ZNF496: variants seen among roughly 807,000 people sequenced by gnomAD.
The protein encoded by ZNF496 is NSD1 (nuclear receptor binding SET-domain containing 1)-interacting zinc finger protein 1.
In ZNF496, 11 loss-of-function variants were observed where a neutral mutation model predicts 58.9. The observed-to-expected ratio is 0.19, with a 90% confidence interval of 0.12 to 0.31. The LOEUF is 0.31. Ranked by LOEUF, ZNF496 falls within the 10% of genes least tolerant of loss-of-function variation. The pLI, the probability that ZNF496 is intolerant of heterozygous loss-of-function variation, is 1.00. For synonymous variants in ZNF496, 338 were observed against 318.2 expected (o/e 1.06, Z -0.66); for missense variants, 660 against 783.0 (o/e 0.84, Z 1.88).
rs371436624 is a variant in ZNF496, at chr1:247,309,514, T to C, written c.892+185A>G. The stretch of plus-strand genomic sequence containing the variant: ...GTACAATTCCAATGCCTGGCAAAAT[T>C]AAGATCCTCCATTCTTTCTATGAAA... On this transcript the variant is annotated intron_variant, in intron 8 of 9. Coordinates refer to ENST00000682384, the MANE Select transcript of ZNF496 (RefSeq NM_032752.3). This position sits in a 1 kb window ranked among gnomAD's most constrained non-coding sequence, Gnocchi z 4.3. The C allele has an allele frequency of 7.1e-7, 1 of 1,413,508 alleles. No individual in the cohort carries two copies. Among genetic ancestry groups the C allele is most frequent in the East Asian group, 2.6e-5 (1 of 38,998 alleles). 87.6% of individuals were successfully genotyped at this position (1,413,508 alleles called of 1,614,324 possible).
In ZNF496 at chr1:247,329,660, G is replaced by C. The variant is rs1299723868; in HGVS notation, c.-37-45C>G. 1 of 1,490,582 alleles carries C rather than the reference G, an allele frequency of 6.7e-7. No individual in the cohort carries two copies. The highest frequency in any genetic ancestry group is 2.3e-5 in the Admixed American group (1 of 43,138). The allele number at this position is 1,490,582 out of a possible 1,614,324, so 92.3% of individuals were successfully genotyped here. ...ACTGGCTTCAGTGTTCTGGTCTCCTGTGGTCATTTCTGGGGGACAGTGACA... is the reference window on the plus strand; with the variant it reads ...ACTGGCTTCAGTGTTCTGGTCTCCTCTGGTCATTTCTGGGGGACAGTGACA... On this transcript the variant is annotated intron_variant, in intron 3 of 9. Transcript: ENST00000682384. The surrounding 1 kb of genome is among the most constrained non-coding windows in gnomAD (Gnocchi z 5.5).
rs139153882 is a variant in ZNF496, at chr1:247,326,105, T to C, written c.574+2578A>G. Among the ~76,000 whole-genome samples the C allele has an allele frequency of 2.3e-3, 344 of 149,994 alleles. 1 individual carries two copies. The highest frequency in any genetic ancestry group is 3.5e-3 in the Middle Eastern group (1 of 286). ...ACACATATATACACACACATATATA[T>C]ACACACACATATATATACATACATA... On this transcript the variant is annotated intron_variant, in intron 5 of 9. Transcript: ENST00000682384.
chr1:247,314,779 C>G (rs965653223), intron 6 of ZNF496, among the ~76,000 whole-genome samples: 2 of 152,062 alleles, frequency 1.3e-5, no homozygotes, highest in African/African-American at 2.4e-5. Context: ...TCGGTTTTTG[C>G]TCTGTCGCCC....
intron 5 of ZNF496, among the ~76,000 whole-genome samples, chr1:247,326,562 G>GC (rs1275083597): frequency 2.0e-5 from 3 of 152,048 alleles, no homozygotes; most frequent in Non-Finnish European, 4.4e-5. Flanking sequence ...GCCTCTCACA[G>GC]CCCCCCACTT....
chr1:247,306,256 C>T (rs918350393), intron 9 of ZNF496, among the ~76,000 whole-genome samples: 1 of 151,426 alleles, frequency 6.6e-6, no homozygotes, highest in Non-Finnish European at 1.5e-5. Flanking sequence ...AGCGCAGTGG[C>T]GTGATCTTGG....
intron 5 of ZNF496, among the ~76,000 whole-genome samples, chr1:247,327,648 C>A (rs941539081): frequency 1.3e-5 from 2 of 152,218 alleles, no homozygotes; most frequent in Non-Finnish European, 2.9e-5. Flanking sequence ...TTTCCACACA[C>A]AGAAATTTAA....
At position 247,300,616 on chromosome 1, in the gene ZNF496, C is replaced by T. The variant is rs113336716; in HGVS notation, c.1667G>A (p.Arg556Gln). Residue 556 changes from arginine to glutamine, a missense_variant, in exon 10 of 10, where the codon CGG (arginine) becomes CAG (glutamine). Physicochemically the swap from Arg to Gln is conservative, Grantham distance 43 (BLOSUM62 1). Transcript: ENST00000682384. The surrounding 1 kb of genome is among the most constrained non-coding windows in gnomAD (Gnocchi z 5.7). The part of the protein sequence containing the change: ...LKDKARPFQC[R>Q]YCVKSFTQNY... ...CTGCGTGAAGCTCTTGACGCAGTAC[C>T]GGCACTGGAAGGGCCGGGCTTTGTC... The T allele has an allele frequency of 1.9e-6, 3 of 1,614,018 alleles. No homozygotes were observed. Among genetic ancestry groups the T allele is most frequent in the African/African-American group, 1.3e-5 (1 of 74,948 alleles).
chr1:247,316,135 G>GGTGTGTGTGT (rs148003455), intron 6 of ZNF496, among the ~76,000 whole-genome samples: 2,701 of 139,876 alleles, frequency 0.019, 30 homozygotes, highest in Admixed American at 0.036. Flanking sequence ...CTGGGAGAGG[G>GGTGTGTGTGT]GTGTGTGTGT....
intron 5 of ZNF496, among the ~76,000 whole-genome samples, chr1:247,324,627 T>G (rs1660063581): frequency 6.6e-6 from 1 of 152,180 alleles, no homozygotes; most frequent in African/African-American, 2.4e-5. Context: ...CCTGAGTAGC[T>G]GGGACTACAG....
At chr1:247,317,948 C>T (rs560991002) in intron 6 of ZNF496, among the ~76,000 whole-genome samples, 2 of 152,264 alleles carry the variant, frequency 1.3e-5, no homozygotes, top group South Asian at 4.1e-4. Context: ...TCATAAAATG[C>T]TTCAATGAAC....
intron 6 of ZNF496, among the ~76,000 whole-genome samples, chr1:247,321,231 C>T (rs1659953208): frequency 6.6e-6 from 1 of 151,974 alleles, no homozygotes; most frequent in Non-Finnish European, 1.5e-5. Flanking sequence ...ATAGATGAAC[C>T]TTGAGGACAT....
In ZNF496 at chr1:247,309,855, G is replaced by A; in HGVS notation, c.785-49C>T. On this transcript the variant is annotated intron_variant, in intron 7 of 9. Coordinates refer to ENST00000682384, the MANE Select transcript of ZNF496 (RefSeq NM_032752.3). The surrounding 1 kb of genome is among the most constrained non-coding windows in gnomAD (Gnocchi z 4.3). ...ACATGTTTATTAGTAATCTGATCCT[G>A]CAGCAACCAGGGCTGGTCCAGAAGA... 9 of 1,595,824 alleles carry A rather than the reference G, an allele frequency of 5.6e-6. No individual in the cohort carries two copies. Among genetic ancestry groups the A allele is most frequent in the Non-Finnish European group, 6.9e-6 (8 of 1,165,996 alleles).
At position 247,323,345 on chromosome 1, in the gene ZNF496, A is replaced by T. The variant is rs185110959; in HGVS notation, c.575-115T>A. On this transcript the variant is annotated intron_variant, in intron 5 of 9. Coordinates refer to ENST00000682384, the MANE Select transcript of ZNF496 (RefSeq NM_032752.3). Reference sequence around the variant, plus strand: ...CATTTTGGTAGCAAAGAAAATCACAAGAGAGGCACCAACAGGGAACTGTTT... The same window carrying T: ...CATTTTGGTAGCAAAGAAAATCACATGAGAGGCACCAACAGGGAACTGTTT... 2.5e-3 allele frequency: 1,727 copies of T among 690,572 alleles called. 5 individuals are homozygous for T. The highest frequency in any genetic ancestry group is 3.4e-3 in the Admixed American group (128 of 37,808). The allele number at this position is 690,572 out of a possible 1,614,324, so 42.8% of individuals were successfully genotyped here. A position where few individuals can be genotyped will look rare whatever the true frequency, so the allele number is the denominator to read the frequency against.
At position 247,329,251 on chromosome 1, in the gene ZNF496, C is replaced by T. The variant is rs749333180; in HGVS notation, c.328G>A (p.Gly110Arg). The stretch of plus-strand genomic sequence containing the variant: ...TCCACCGCGGCCACAGCCTGCTCTC[C>T]GCTCTCAGGCTCCTGCGCCCGCACC... ...SWVRAQEPES[G>R]EQAVAAVEAL... The change falls in exon 4 of 10, where the codon GGA becomes AGA. Residue 110 changes from glycine (G) to arginine (R), a missense_variant. Gly to Arg is a moderately radical substitution (Grantham distance 125). Transcript: ENST00000682384. This position sits in a 1 kb window ranked among gnomAD's most constrained non-coding sequence, Gnocchi z 5.5. The T allele has an allele frequency of 3.1e-6, 5 of 1,613,518 alleles. No individual in the cohort carries two copies. The highest frequency in any genetic ancestry group is 4.5e-5 in the East Asian group (2 of 44,880).
rs562786292 is a variant in ZNF496 at position 247,302,236 on chromosome 1, G to C, written c.1007-960C>G. Among the ~76,000 whole-genome samples the C allele has an allele frequency of 2.6e-5, 4 of 152,234 alleles. No individual in the cohort carries two copies. The East Asian group carries it at 7.7e-4, about 29-fold the overall frequency. On this transcript the variant is annotated intron_variant, in intron 9 of 9. Transcript: ENST00000682384. ...CTGGGCTTCATGACTGTGGGGAGGAGAGCCCTGGCTAGTCAGAGCAGCTCA... is the reference window on the plus strand; with the variant it reads ...CTGGGCTTCATGACTGTGGGGAGGACAGCCCTGGCTAGTCAGAGCAGCTCA...
At chr1:247,313,255 C>T (rs1459934548) in intron 6 of ZNF496, 1 of 152,152 alleles carries the variant, frequency 6.6e-6, no homozygotes, top group Non-Finnish European at 1.5e-5. Context: ...GGGAGGGGAA[C>T]ACAAAAACAT....
intron 6 of ZNF496, among the ~76,000 whole-genome samples, chr1:247,321,688 A>G (rs1659968999): frequency 6.6e-6 from 1 of 152,236 alleles, no homozygotes; most frequent in Non-Finnish European, 1.5e-5. Flanking sequence ...TATGGCATTT[A>G]CTAGGGACTG....
chr1:247,307,538 T>A (rs764404055), intron 9 of ZNF496: 37 of 985,410 alleles, frequency 3.8e-5, no homozygotes, highest in Middle Eastern at 5.2e-4. Context: ...TGCATCACTC[T>A]TGGCACGCAG....
chr1:247,324,009 A>T (rs1045192389), intron 5 of ZNF496, among the ~76,000 whole-genome samples: 7 of 145,888 alleles, frequency 4.8e-5, no homozygotes, highest in African/African-American at 1.7e-4. Flanking sequence ...TGAGAGATGG[A>T]GGCTGCAGTG....
Sources: gnomAD v4.1 joint callset for allele counts (sites outside exome capture counted in the v4.1 genomes callset) on GRCh38, gnomAD v4.1.1 for gene constraint, Gnocchi (gnomAD v3.1) non-coding constraint, MANE v1.5 for transcripts, NCBI Gene and HGNC (gene_info 2026-07-23, HGNC 2026-07-21) for gene names.